The following LMBR1 variants were observed in gnomAD, a reference collection of about 807,000 sequenced individuals.
The protein encoded by LMBR1 is limb region 1 protein homolog.
In LMBR1, 52 loss-of-function variants were observed where a neutral mutation model predicts 73.9. The observed-to-expected ratio is 0.70, with a 90% confidence interval of 0.56 to 0.89. The LOEUF (loss-of-function observed/expected upper bound fraction) is 0.89. LMBR1 is among the 40% of genes least tolerant of loss of function. LMBR1 has a pLI of 0.00. For missense variants in LMBR1, 539 were observed against 579.8 expected (o/e 0.93, Z 0.72); for synonymous variants, 215 against 209.4 (o/e 1.03, Z -0.23).
intron 16 of LMBR1, 123 bp downstream of exon 16, chr7:156,687,907 A>C: frequency 1.2e-6 from 1 of 861,392 alleles, no homozygotes; most frequent in Non-Finnish European, 1.7e-6. Context: ...GTAGGGGATC[A>C]ATAATTTGAC....
chr7:156,686,622 A>G (rs553361040), intron 16 of LMBR1, among the ~76,000 whole-genome samples: 18 of 152,352 alleles, frequency 1.2e-4, no homozygotes, highest in African/African-American at 4.1e-4. Context: ...TCTTATGGTC[A>G]AGGAACTGAC....
chr7:156,800,427 C>T (rs886070808), intron 4 of LMBR1, among the ~76,000 whole-genome samples: 2 of 135,190 alleles, frequency 1.5e-5, no homozygotes, highest in Non-Finnish European at 3.0e-5. Context: ...GGCAGCACAT[C>T]TGTTTACAGC....
intron 1 of LMBR1, among the ~76,000 whole-genome samples, chr7:156,888,650 G>T (rs1034775074): frequency 1.3e-5 from 2 of 152,140 alleles, no homozygotes; most frequent in African/African-American, 4.8e-5. Context: ...AGGCACGTTG[G>T]CTCCCGCCTG....
At chr7:156,823,485 A>C (rs1835126789) in intron 4 of LMBR1, 1 of 152,208 alleles carries the variant, frequency 6.6e-6, no homozygotes, top group Admixed American at 6.5e-5. Context: ...AATCCTCTAG[A>C]TGCTCAACAA....
intron 5 of LMBR1, among the ~76,000 whole-genome samples, chr7:156,771,699 A>G (rs1825218380): frequency 6.6e-6 from 1 of 152,224 alleles, no homozygotes; most frequent in African/African-American, 2.4e-5. Flanking sequence ...TATTCCAAAA[A>G]TTTAAAAATA....
At chr7:156,692,729 A>T in intron 15 of LMBR1, among the ~76,000 whole-genome samples, 1 of 152,184 alleles carries the variant, frequency 6.6e-6, no homozygotes, top group East Asian at 1.9e-4. Flanking sequence ...GAGCATAAGG[A>T]TGACACAGTG....
intron 4 of LMBR1, among the ~76,000 whole-genome samples, chr7:156,800,698 T>G (rs747199343): frequency 6.6e-6 from 1 of 152,176 alleles, no homozygotes; most frequent in Non-Finnish European, 1.5e-5. Context: ...CTGCTACAGA[T>G]TCCTCTGATG....
chr7:156,810,918 C>G (rs909846561), intron 4 of LMBR1, among the ~76,000 whole-genome samples: 10 of 151,796 alleles, frequency 6.6e-5, no homozygotes, highest in African/African-American at 2.2e-4. Flanking sequence ...TCAAGCGATT[C>G]TCCTCCCTCA....
intron 5 of LMBR1, among the ~76,000 whole-genome samples, chr7:156,785,555 G>T (rs143107596): frequency 6.6e-6 from 1 of 152,236 alleles, no homozygotes; most frequent in East Asian, 1.9e-4. Context: ...TCTGAACGCT[G>T]CCTTGGAAAA....
intron 4 of LMBR1, among the ~76,000 whole-genome samples, chr7:156,807,317 A>C (rs11971289): frequency 0.015 from 2,356 of 152,244 alleles, 52 homozygotes; most frequent in African/African-American, 0.053. Context: ...TTCTTCCTTA[A>C]CTATATGATA....
chr7:156,756,288 C>G, intron 9 of LMBR1, 105 bp downstream of exon 9: 1 of 642,300 alleles, frequency 1.6e-6, no homozygotes, highest in Non-Finnish European at 2.8e-6. Context: ...CCTCTTGTAG[C>G]AGCACAAGAT....
chr7:156,871,999 T>C (rs1020032551), intron 1 of LMBR1: 1 of 152,192 alleles, frequency 6.6e-6, no homozygotes, highest in Admixed American at 6.5e-5. Context: ...GAGGTAAAAC[T>C]GTCCATTTGC....
intron 1 of LMBR1, among the ~76,000 whole-genome samples, chr7:156,888,132 C>A (rs921443369): frequency 6.6e-6 from 1 of 152,024 alleles, no homozygotes; most frequent in African/African-American, 2.4e-5. Context: ...ACATAGAGGC[C>A]GGGCGTGGTG....
intron 5 of LMBR1, among the ~76,000 whole-genome samples, chr7:156,788,247 C>G (rs974735169): frequency 2.0e-5 from 3 of 152,042 alleles, no homozygotes; most frequent in African/African-American, 7.2e-5. Context: ...CCAGCCTGAG[C>G]AACATAGCAA....
At chr7:156,828,854 A>G (rs1204255769) in intron 3 of LMBR1, among the ~76,000 whole-genome samples, 5 of 152,114 alleles carry the variant, frequency 3.3e-5, no homozygotes, top group African/African-American at 1.2e-4. Context: ...TCTTTAATTC[A>G]TGGTGCCCCA....
At chr7:156,891,193 A>C (rs1430501699) in intron 1 of LMBR1, among the ~76,000 whole-genome samples, 2 of 82,516 alleles carry the variant, frequency 2.4e-5, no homozygotes, top group Non-Finnish European at 4.5e-5. Flanking sequence ...TCCATCACAA[A>C]AAAAAAAAAA....
At chr7:156,785,997 G>A (rs1828005982) in intron 5 of LMBR1, among the ~76,000 whole-genome samples, 1 of 152,158 alleles carries the variant, frequency 6.6e-6, no homozygotes, top group Admixed American at 6.6e-5. Flanking sequence ...CCAGAGGACA[G>A]AAGCACCAGC....
chr7:156,745,224 A>G (rs1018506452), intron 9 of LMBR1, among the ~76,000 whole-genome samples: 6 of 151,912 alleles, frequency 3.9e-5, no homozygotes, highest in African/African-American at 1.5e-4. Context: ...TTTCTGTTCT[A>G]ATGACATTTC....
At chr7:156,754,095 G>A (rs1000563430) in intron 9 of LMBR1, among the ~76,000 whole-genome samples, 2 of 152,202 alleles carry the variant, frequency 1.3e-5, no homozygotes, top group Non-Finnish European at 1.5e-5. Context: ...GTAGAGAGCA[G>A]CTGATAACAA....
Sources: gnomAD v4.1 joint callset for allele counts (sites outside exome capture counted in the v4.1 genomes callset) on GRCh38, gnomAD v4.1.1 for gene constraint, MANE v1.5 for transcripts, NCBI Gene and HGNC (gene_info 2026-07-23, HGNC 2026-07-21) for gene names.